Variants in LDLRAD4 observed in about 807,000 individuals in gnomAD.
LDLRAD4 encodes low density lipoprotein receptor class A domain containing 4, also known as low-density lipoprotein receptor class A domain-containing protein 4.
LDLRAD4 carries 5 observed loss-of-function variants against 17.0 expected under a neutral mutation model. The observed-to-expected ratio is 0.29, with a 90% CI of 0.15 to 0.62. The LOEUF (loss-of-function observed/expected upper bound fraction) is 0.62. LDLRAD4 is among the 20% of genes least tolerant of loss of function. The pLI is 0.84. For missense variants in LDLRAD4, 340 were observed against 424.7 expected (o/e 0.80, Z 1.75); for synonymous variants, 168 against 171.8 (o/e 0.98, Z 0.17).
At chr18:13,407,178 G>C (rs1355239623) in intron 2 of LDLRAD4, among the ~76,000 whole-genome samples, 1 of 152,190 alleles carries the variant, frequency 6.6e-6, no homozygotes, top group African/African-American at 2.4e-5. Flanking sequence ...TTGTGCATGA[G>C]TGTGCGACAC....
chr18:13,323,304 C>T (rs1163930170), intron 1 of LDLRAD4, among the ~76,000 whole-genome samples: 3 of 152,254 alleles, frequency 2.0e-5, no homozygotes, highest in African/African-American at 7.2e-5. Context: ...CTGGCTGCAG[C>T]ATGTCACGCA....
chr18:13,272,519 C>T (rs1186596249), intron 1 of LDLRAD4, among the ~76,000 whole-genome samples: 3 of 152,252 alleles, frequency 2.0e-5, no homozygotes, highest in Non-Finnish European at 2.9e-5. Flanking sequence ...AGCTGCCAGA[C>T]GGTGCCTGGC....
intron 4 of LDLRAD4, chr18:13,642,635 C>T: frequency 8.1e-7 from 1 of 1,230,960 alleles, no homozygotes; most frequent in Non-Finnish European, 1.0e-6. Context: ...CTGCTGGAGG[C>T]CGGGCAGGGC....
At chr18:13,432,832 T>G (rs2090429862) in intron 2 of LDLRAD4, among the ~76,000 whole-genome samples, 1 of 152,178 alleles carries the variant, frequency 6.6e-6, no homozygotes, top group Admixed American at 6.6e-5. Context: ...TCCTCTCACC[T>G]CAGCCTCCCA....
intron 1 of LDLRAD4, among the ~76,000 whole-genome samples, chr18:13,220,949 A>G (rs2041419147): frequency 6.6e-6 from 1 of 152,158 alleles, no homozygotes. Context: ...TGACTGCTCT[A>G]CGTCATCACG....
At chr18:13,395,975 G>T (rs1257215060) in intron 2 of LDLRAD4, among the ~76,000 whole-genome samples, 1 of 152,146 alleles carries the variant, frequency 6.6e-6, no homozygotes, top group African/African-American at 2.4e-5. Context: ...CACAGGCCAA[G>T]GGTCTTCAAA....
chr18:13,497,493 G>T (rs55737069), intron 3 of LDLRAD4, among the ~76,000 whole-genome samples: 26,803 of 151,446 alleles, frequency 0.18, 2,839 homozygotes, highest in Middle Eastern at 0.37. Flanking sequence ...GGTGGCTCTT[G>T]TAGTGTTTTT....
intron 3 of LDLRAD4, among the ~76,000 whole-genome samples, chr18:13,607,798 G>A (rs2095239182): frequency 6.6e-6 from 1 of 152,210 alleles, no homozygotes; most frequent in Non-Finnish European, 1.5e-5. Flanking sequence ...TGGCTGCATA[G>A]TATTCCATGG....
chr18:13,488,506 G>A (rs1367869999), intron 3 of LDLRAD4: 1 of 152,262 alleles, frequency 6.6e-6, no homozygotes, highest in Non-Finnish European at 1.5e-5. Flanking sequence ...ACCAGCCAGC[G>A]ACAGTCATTG....
intron 1 of LDLRAD4, among the ~76,000 whole-genome samples, chr18:13,283,775 G>C (rs893764336): frequency 3.9e-5 from 6 of 152,156 alleles, no homozygotes; most frequent in African/African-American, 1.4e-4. Flanking sequence ...CCAATTTACT[G>C]TGTTAGACCA....
At chr18:13,298,103 C>A (rs573736546) in intron 1 of LDLRAD4, among the ~76,000 whole-genome samples, 2 of 152,228 alleles carry the variant, frequency 1.3e-5, no homozygotes, top group Non-Finnish European at 2.9e-5. Context: ...GAGAGGCAGC[C>A]TCCCTGCTGC....
intron 3 of LDLRAD4, among the ~76,000 whole-genome samples, chr18:13,466,560 C>T (rs2092624338): frequency 6.6e-6 from 1 of 150,908 alleles, no homozygotes; most frequent in Admixed American, 6.6e-5. Context: ...TCAATAGACA[C>T]AGAAAAGGCA....
intron 2 of LDLRAD4, among the ~76,000 whole-genome samples, chr18:13,388,989 G>A (rs922898366): frequency 6.6e-6 from 1 of 151,944 alleles, no homozygotes; most frequent in African/African-American, 2.4e-5. Flanking sequence ...GTGAGGGGCT[G>A]GTTATTCTCT....
At chr18:13,417,655 C>T (rs547717549) in intron 2 of LDLRAD4, among the ~76,000 whole-genome samples, 4 of 152,222 alleles carry the variant, frequency 2.6e-5, no homozygotes, top group South Asian at 2.1e-4. Flanking sequence ...AGGATGGTCT[C>T]GATCTCCTGA....
intron 3 of LDLRAD4, among the ~76,000 whole-genome samples, chr18:13,527,551 G>T (rs1270290922): frequency 6.6e-6 from 1 of 152,176 alleles, no homozygotes; most frequent in Non-Finnish European, 1.5e-5. Context: ...CCTCTCCCCA[G>T]CCTGCAGTCC....
chr18:13,600,817 A>G (rs776957905), intron 3 of LDLRAD4, among the ~76,000 whole-genome samples: 2 of 152,206 alleles, frequency 1.3e-5, no homozygotes, highest in Admixed American at 6.5e-5. Context: ...TTTTATTTGT[A>G]TAACCAAAAT....
rs2084124573 is a variant in LDLRAD4, at chr18:13,367,262, TCA to T, written c.-382-20074_-382-20073del. Among the ~76,000 whole-genome samples, 1 of 152,140 alleles carries T rather than the reference TCA, an allele frequency of 6.6e-6. No individual in the cohort carries two copies. The highest frequency in any genetic ancestry group is 2.4e-5 in the African/African-American group (1 of 41,434). On this transcript the variant is annotated intron_variant, in intron 1 of 5. Transcript: ENST00000359446. This position sits in a 1 kb window ranked among gnomAD's most constrained non-coding sequence, Gnocchi z 4.1. The stretch of plus-strand genomic sequence containing the variant: ...AATAAACTCCTCAGATGATTTTGGT[TCA>T]CACAGAGTCAGAACCGCTGTGGCAG...
intron 3 of LDLRAD4, among the ~76,000 whole-genome samples, chr18:13,570,213 A>G (rs1401365536): frequency 6.6e-6 from 1 of 152,136 alleles, no homozygotes; most frequent in African/African-American, 2.4e-5. Flanking sequence ...GACAGACGTG[A>G]CTCGTCTGGG....
At chr18:13,582,767 C>G (rs1568367375) in intron 3 of LDLRAD4, among the ~76,000 whole-genome samples, 1 of 152,222 alleles carries the variant, frequency 6.6e-6, no homozygotes, top group Non-Finnish European at 1.5e-5. Context: ...GGCTAGAGTA[C>G]AGTTGCACGA....
Sources: gnomAD v4.1 joint callset for allele counts (sites outside exome capture counted in the v4.1 genomes callset) on GRCh38, gnomAD v4.1.1 for gene constraint, Gnocchi (gnomAD v3.1) non-coding constraint, MANE v1.5 for transcripts, NCBI Gene and HGNC (gene_info 2026-07-23, HGNC 2026-07-21) for gene names.